The following CHCHD6 variants were observed in gnomAD, a reference collection of about 807,000 sequenced individuals.
CHCHD6 encodes the protein MICOS complex subunit MIC25.
CHCHD6 carries 28 observed loss-of-function variants against 32.3 expected under a neutral mutation model. That is an observed-to-expected ratio of 0.87 (90% confidence interval 0.64 to 1.19). The LOEUF (loss-of-function observed/expected upper bound fraction) is 1.19, where lower values mean the gene tolerates loss of function less well. CHCHD6 is among the 50% of genes most tolerant of loss of function. CHCHD6 has a pLI of 0.00. For missense variants in CHCHD6, 333 were observed against 307.0 expected, an observed-to-expected ratio of 1.08 and a Z score of -0.63; for synonymous variants, 122 against 117.5, an observed-to-expected ratio of 1.04 and a Z score of -0.25.
intron 4 of CHCHD6, among the ~76,000 whole-genome samples, chr3:126,805,288 G>A (rs1190391509): frequency 1.3e-5 from 2 of 151,974 alleles, no homozygotes; most frequent in Non-Finnish European, 2.9e-5. Context: ...ACATGATTGT[G>A]TATCTAGAAA....
chr3:126,781,449 A>C (rs984145219), intron 4 of CHCHD6, among the ~76,000 whole-genome samples: 2 of 152,204 alleles, frequency 1.3e-5, no homozygotes, highest in Non-Finnish European at 2.9e-5. Context: ...TTTTTCTTTA[A>C]GGGATTTTCT....
intron 4 of CHCHD6, among the ~76,000 whole-genome samples, chr3:126,772,227 G>A (rs1347635456): frequency 2.0e-5 from 3 of 152,016 alleles, no homozygotes; most frequent in African/African-American, 4.8e-5. Flanking sequence ...TCAGCCTCCC[G>A]AGTAGCTGGG....
intron 6 of CHCHD6, among the ~76,000 whole-genome samples, chr3:126,925,056 G>T (rs1255475229): frequency 6.6e-6 from 1 of 152,198 alleles, no homozygotes; most frequent in African/African-American, 2.4e-5. Flanking sequence ...GTGCTGTCAG[G>T]TGCATCCAAA....
intron 5 of CHCHD6, among the ~76,000 whole-genome samples, chr3:126,904,011 C>T (rs1030108432): frequency 4.6e-5 from 7 of 152,198 alleles, no homozygotes; most frequent in Admixed American, 2.0e-4. Flanking sequence ...TTGTTTTTTA[C>T]ACATCACTTT....
Position 126,960,363 on chromosome 3 carries a change from G to A in CHCHD6, c.*162G>A. On this transcript the variant is annotated 3_prime_UTR_variant, in exon 8 of 8. Coordinates refer to ENST00000290913, the MANE Select transcript of CHCHD6 (RefSeq NM_032343.3). ...TTTAGGAAACAAAGTATGCGCTACTGTCTGAAAACAAATAAAGCAGATGCC... is the reference window on the plus strand; with the variant it reads ...TTTAGGAAACAAAGTATGCGCTACTATCTGAAAACAAATAAAGCAGATGCC... 2.6e-6 allele frequency: 2 copies of A among 762,584 alleles called. No homozygotes were observed. Among genetic ancestry groups the A allele is most frequent in the Admixed American group, 2.3e-5 (1 of 43,426 alleles). 47.2% of individuals were successfully genotyped at this position (762,584 alleles called of 1,614,324 possible). A position where few individuals can be genotyped will look rare whatever the true frequency, so the allele number is the denominator to read the frequency against.
intron 4 of CHCHD6, among the ~76,000 whole-genome samples, chr3:126,739,850 T>C (rs1255330305): frequency 6.6e-6 from 1 of 152,176 alleles, no homozygotes; most frequent in African/African-American, 2.4e-5. Flanking sequence ...CTGGGTTTGG[T>C]TCTGTTGACT....
chr3:126,834,063 A>AAAAT (rs1576471351), intron 4 of CHCHD6, among the ~76,000 whole-genome samples: 1 of 148,232 alleles, frequency 6.7e-6, no homozygotes, highest in Non-Finnish European at 1.5e-5. Flanking sequence ...CAAAAAAAAA[A>AAAAT]AAAAAAAAAA....
intron 5 of CHCHD6, among the ~76,000 whole-genome samples, chr3:126,900,538 G>A (rs1235125356): frequency 6.6e-6 from 1 of 152,070 alleles, no homozygotes; most frequent in East Asian, 1.9e-4. Context: ...AGGCGAATGG[G>A]GAGCAGGTGT....
At chr3:126,748,794 A>G (rs1321984306) in intron 4 of CHCHD6, among the ~76,000 whole-genome samples, 1 of 151,980 alleles carries the variant, frequency 6.6e-6, no homozygotes, top group Admixed American at 6.5e-5. Flanking sequence ...CATTCAAGAC[A>G]TGTTCCCTGA....
intron 5 of CHCHD6, among the ~76,000 whole-genome samples, chr3:126,877,167 C>T (rs111591135): frequency 1.3e-5 from 2 of 152,290 alleles, no homozygotes; most frequent in African/African-American, 2.4e-5. Context: ...AATTGTTACT[C>T]ATAGCGGGGA....
At chr3:126,727,378 G>T (rs533031292) in intron 2 of CHCHD6, among the ~76,000 whole-genome samples, 192 bp downstream of exon 2, 1 of 152,166 alleles carries the variant, frequency 6.6e-6, no homozygotes, top group Non-Finnish European at 1.5e-5. Flanking sequence ...CAGAGCTGCC[G>T]GGATTCGGGT....
At chr3:126,898,768 A>T (rs1233720200) in intron 5 of CHCHD6, among the ~76,000 whole-genome samples, 1 of 152,118 alleles carries the variant, frequency 6.6e-6, no homozygotes, top group Non-Finnish European at 1.5e-5. Flanking sequence ...TAAACTCCTG[A>T]CCTCAGATGA....
At chr3:126,957,684 G>C (rs969068675) in intron 7 of CHCHD6, 133 bp downstream of exon 7, 204 of 1,115,208 alleles carry the variant, frequency 1.8e-4, no homozygotes, top group Admixed American at 5.8e-4. Context: ...CTCTGCATTT[G>C]CCAAGGGAGG....
chr3:126,754,215 G>A (rs1936855149), intron 4 of CHCHD6, among the ~76,000 whole-genome samples: 1 of 152,204 alleles, frequency 6.6e-6, no homozygotes, highest in African/African-American at 2.4e-5. Context: ...TGTGGCCTTG[G>A]TTAAGTGTCT....
At chr3:126,825,802 A>G (rs934256147) in intron 4 of CHCHD6, among the ~76,000 whole-genome samples, 2 of 152,146 alleles carry the variant, frequency 1.3e-5, no homozygotes, top group African/African-American at 4.8e-5. Context: ...TCTCTTGCAG[A>G]TAGCATATAA....
chr3:126,709,809 CT>C (rs1353139558), intron 1 of CHCHD6, among the ~76,000 whole-genome samples: 2 of 152,158 alleles, frequency 1.3e-5, no homozygotes, highest in Non-Finnish European at 2.9e-5. Context: ...GTATTCAGAT[CT>C]TTTGCCAATT....
At chr3:126,816,943 A>G (rs1939935976) in intron 4 of CHCHD6, among the ~76,000 whole-genome samples, 1 of 152,032 alleles carries the variant, frequency 6.6e-6, no homozygotes, top group South Asian at 2.1e-4. Context: ...ATTTCCACCT[A>G]TGAGTGAGAG....
At chr3:126,706,123 G>A (rs562662758) in intron 1 of CHCHD6, among the ~76,000 whole-genome samples, 7 of 152,250 alleles carry the variant, frequency 4.6e-5, no homozygotes, top group South Asian at 2.1e-4. Flanking sequence ...CTTGTGATTT[G>A]GTCTCCTGTT....
In CHCHD6 at chr3:126,777,955, C is replaced by G. The variant is rs182513826; in HGVS notation, c.411+44733C>G. ...ATTTCCCACAACCCTTAGTCCCAGG[C>G]AACATCTAATCAACTTTGTCTCTAT... On this transcript the variant is annotated intron_variant, in intron 4 of 7. Coordinates refer to ENST00000290913, the MANE Select transcript of CHCHD6 (RefSeq NM_032343.3). Among the ~76,000 whole-genome samples the G allele has an allele frequency of 1.9e-3, 290 of 152,324 alleles. 1 individual carries two copies. The highest frequency in any genetic ancestry group is 6.5e-3 in the African/African-American group (270 of 41,578).
Sources: gnomAD v4.1 joint callset for allele counts (sites outside exome capture counted in the v4.1 genomes callset) on GRCh38, gnomAD v4.1.1 for gene constraint, MANE v1.5 for transcripts, NCBI Gene and HGNC (gene_info 2026-07-23, HGNC 2026-07-21) for gene names.